TRUB1: variants seen among roughly 807,000 people sequenced by gnomAD.
TRUB1 encodes TruB pseudouridine synthase family member 1.
In TRUB1, 23 loss-of-function variants were observed where a neutral mutation model predicts 33.9. The ratio of observed to expected loss-of-function variants is 0.68; its 90% CI spans 0.49 to 0.96. The LOEUF is 0.96. Ranked by LOEUF, TRUB1 falls within the 40% of genes least tolerant of loss-of-function variation. TRUB1 has a pLI of 0.00. For missense variants in TRUB1, 378 were observed against 422.2 expected (o/e 0.90, Z 0.92); for synonymous variants, 163 against 165.4 (o/e 0.99, Z 0.11).
chr10:114,975,398 A>G lies in TRUB1; in HGVS notation c.*19A>G, dbSNP rs932835537. 5.3e-6 allele frequency: 8 copies of G among 1,516,222 alleles called. No homozygotes were observed. Among genetic ancestry groups the G allele is most frequent in the Non-Finnish European group, 5.3e-6 (6 of 1,131,108 alleles). The allele number at this position is 1,516,222 out of a possible 1,614,324, so 93.9% of individuals were successfully genotyped here. ...GTGTTGAGATTGGCCTGGGAATATC[A>G]TCATTTTCTAGTTGACATTTGAATC... On this transcript the variant is annotated 3_prime_UTR_variant, in exon 8 of 8. Transcript: ENST00000298746.
intron 2 of TRUB1, among the ~76,000 whole-genome samples, chr10:114,948,911 GCTTCT>G (rs1468223025): frequency 3.9e-5 from 6 of 152,154 alleles, no homozygotes; most frequent in African/African-American, 1.2e-4. Context: ...TTTAGAACAT[GCTTCT>G]CTTCTCTCTG....
chr10:114,943,484 C>T lies in TRUB1; in HGVS notation c.385+741C>T, dbSNP rs377445987. ...GGCAGAGTGTTCAGTGAGCCGAGAT[C>T]GCACCACTGCACTCCAGCCTGGGCG... On this transcript the variant is annotated intron_variant, in intron 2 of 7. Transcript: ENST00000298746. 2.2e-4 allele frequency among the ~76,000 whole-genome samples: 33 copies of T among 152,170 alleles called. 1 individual carries two copies. The South Asian group carries it at 6.2e-3, about 29-fold the overall frequency.
In TRUB1 at chr10:114,974,352, T is replaced by C; in HGVS notation, c.760T>C (p.Tyr254His). Reference protein sequence around the residue: ...TLDVECGGGFYIRSLVSDIGK... With the variant: ...TLDVECGGGFHIRSLVSDIGK... The stretch of plus-strand genomic sequence containing the variant: ...AGATGTTGAATGTGGAGGAGGTTTT[T>C]ATATCAGAAGCTTGGTCAGTGACAT... Residue 254 changes from tyrosine (Y) to histidine (H), a missense_variant, in exon 7 of 8, where the codon TAT becomes CAT. Transcript: ENST00000298746. 1 of 1,613,058 alleles carries C rather than the reference T, an allele frequency of 6.2e-7. No homozygotes were observed. The highest frequency in any genetic ancestry group is 1.7e-5 in the Admixed American group (1 of 59,960).
At chr10:114,955,227 G>T (rs529190694) in intron 3 of TRUB1, among the ~76,000 whole-genome samples, 1 of 152,316 alleles carries the variant, frequency 6.6e-6, no homozygotes, top group East Asian at 1.9e-4. Flanking sequence ...AGGGCAAATA[G>T]CCCCTCTTAT....
chr10:114,942,836 A>G (rs1197643701), intron 2 of TRUB1, 93 bp downstream of exon 2: 4 of 810,658 alleles, frequency 4.9e-6, no homozygotes, highest in East Asian at 2.5e-5. Context: ...AAAGCCTTCT[A>G]TTTTTCAGTC....
At chr10:114,950,339 T>C (rs2084228808) in intron 2 of TRUB1, among the ~76,000 whole-genome samples, 1 of 152,230 alleles carries the variant, frequency 6.6e-6, no homozygotes, top group African/African-American at 2.4e-5. Flanking sequence ...GTAGTCCTTG[T>C]TTACTCTTAT....
Position 114,951,171 on chromosome 10 carries a change from T to C in TRUB1, c.441+22T>C, listed in dbSNP as rs373520664. 120 of 1,594,828 alleles carry C rather than the reference T, an allele frequency of 7.5e-5. 2 individuals are homozygous for C. The East Asian group carries it at 9.4e-4, about 13-fold the overall frequency. ...CAAGGTAAGAATACTGAAATAGTTC[T>C]ATTTTTCTTTAATGTTCTTAATGAT... On this transcript the variant is annotated intron_variant, in intron 3 of 7. Transcript: ENST00000298746.
intron 7 of TRUB1, 104 bp from the exon 8 acceptor site, chr10:114,975,019 G>A (rs1044572899): frequency 3.6e-6 from 5 of 1,383,218 alleles, no homozygotes; most frequent in Non-Finnish European, 4.8e-6. Context: ...CTTTTGGGTG[G>A]TTTTGAGAGA....
intron 3 of TRUB1, among the ~76,000 whole-genome samples, chr10:114,955,747 C>G (rs2084259078): frequency 6.6e-6 from 1 of 152,184 alleles, no homozygotes. Context: ...TTCAGCATTT[C>G]TAATCAGTTT....
intron 3 of TRUB1, 89 bp downstream of exon 3, chr10:114,951,238 T>A: frequency 1.0e-6 from 1 of 978,770 alleles, no homozygotes; most frequent in Non-Finnish European, 1.6e-6. Context: ...ATAAACTGAG[T>A]AAACTGCATG....
intron 4 of TRUB1, among the ~76,000 whole-genome samples, chr10:114,967,257 C>G (rs1250112765): frequency 6.6e-6 from 1 of 152,166 alleles, no homozygotes. Flanking sequence ...AACAAGTGAT[C>G]ATGAGACTTG....
intron 4 of TRUB1, among the ~76,000 whole-genome samples, chr10:114,963,275 T>C (rs536160921): frequency 6.6e-6 from 1 of 152,318 alleles, no homozygotes; most frequent in African/African-American, 2.4e-5. Context: ...TTGTATCTAA[T>C]GGTACTGTCT....
chr10:114,977,444 GA>G lies in TRUB1; in HGVS notation c.*2066del, dbSNP rs1477144397. On this transcript the variant is annotated 3_prime_UTR_variant, in exon 8 of 8. Coordinates refer to ENST00000298746, the MANE Select transcript of TRUB1 (RefSeq NM_139169.5). ...AAATTTTATTATGATAAATTCCTGG[GA>G]GGGGGATTATTTAGTGAAATAATAT... 6.6e-6 allele frequency: 1 copy of G among 151,866 alleles called. No individual in the cohort carries two copies. Among genetic ancestry groups the G allele is most frequent in the Admixed American group, 6.6e-5 (1 of 15,248 alleles). The allele number at this position is 151,866 out of a possible 1,614,324, so 9.4% of individuals were successfully genotyped here.
At position 114,949,655 on chromosome 10, in the gene TRUB1, G is replaced by C. The variant is rs147995762; in HGVS notation, c.386-1439G>C. On this transcript the variant is annotated intron_variant, in intron 2 of 7. Transcript: ENST00000298746. ...GGTTATGAAGTGGTATGAATTGGAA[G>C]AGGAAGGGATAGGATGTAGAACCGT... 3.7e-4 allele frequency among the ~76,000 whole-genome samples: 56 copies of C among 152,304 alleles called. No homozygotes were observed. In the East Asian group the frequency reaches 0.01, roughly 28 times the overall value.
chr10:114,951,244 G>A, intron 3 of TRUB1, 95 bp downstream of exon 3: 2 of 859,240 alleles, frequency 2.3e-6, no homozygotes, highest in Non-Finnish European at 1.9e-6. Context: ...TGAGTAAACT[G>A]CATGAATGGG....
rs2084358925 is a variant in TRUB1, at chr10:114,976,063, C to G, written c.*684C>G. 6.6e-6 allele frequency: 1 copy of G among 152,504 alleles called. No individual in the cohort carries two copies. Among genetic ancestry groups the G allele is most frequent in the African/African-American group, 2.4e-5 (1 of 41,432 alleles). The allele number at this position is 152,504 out of a possible 1,614,324, so 9.4% of individuals were successfully genotyped here. On this transcript the variant is annotated 3_prime_UTR_variant, in exon 8 of 8. Transcript: ENST00000298746. ...ACCTTCCTACCATTAGAGCAGAAGACAGCTCCTATAGTTTTGTATTTTGGC... is the reference window on the plus strand; with the variant it reads ...ACCTTCCTACCATTAGAGCAGAAGAGAGCTCCTATAGTTTTGTATTTTGGC...
intron 3 of TRUB1, among the ~76,000 whole-genome samples, chr10:114,953,305 AC>A (rs139275958): frequency 0.022 from 3,298 of 152,302 alleles, 120 homozygotes; most frequent in African/African-American, 0.075. Flanking sequence ...ACGTCTTGTT[AC>A]AGAAACCTAG....
intron 3 of TRUB1, among the ~76,000 whole-genome samples, chr10:114,955,917 G>T (rs1592050948): frequency 6.6e-6 from 1 of 152,128 alleles, no homozygotes. Flanking sequence ...CATGTTTTTG[G>T]TTTGATAGGT....
rs2084362854 is a variant in TRUB1, at chr10:114,976,709, C to T, written c.*1330C>T. On this transcript the variant is annotated 3_prime_UTR_variant, in exon 8 of 8. Transcript: ENST00000298746. ...ATTTGTGCTTAACCCAATTTAAACT[C>T]AATGTAAAATGTTATATATGCATCA... The T allele has an allele frequency of 6.6e-6, 1 of 151,894 alleles. No homozygotes were observed. The allele number at this position is 151,894 out of a possible 1,614,324, so 9.4% of individuals were successfully genotyped here.
Sources: gnomAD v4.1 joint callset for allele counts (sites outside exome capture counted in the v4.1 genomes callset) on GRCh38, gnomAD v4.1.1 for gene constraint, MANE v1.5 for transcripts, NCBI Gene and HGNC (gene_info 2026-07-23, HGNC 2026-07-21) for gene names.